SPATS2L: variants seen among roughly 807,000 people sequenced by gnomAD.
The protein encoded by SPATS2L is spermatogenesis associated serine rich 2 like.
Under a neutral mutation model 59.6 loss-of-function variants are expected in SPATS2L, and 30 were observed. That is an observed-to-expected ratio of 0.50 (90% CI 0.38 to 0.68). The LOEUF (loss-of-function observed/expected upper bound fraction) is 0.68. SPATS2L is among the 30% of genes least tolerant of loss of function. The pLI, the probability that SPATS2L is intolerant of heterozygous loss-of-function variation, is 0.00. For missense variants in SPATS2L, 615 were observed against 700.0 expected, an observed-to-expected ratio of 0.88 and a Z score of 1.37; for synonymous variants, 252 against 263.5, an observed-to-expected ratio of 0.96 and a Z score of 0.42.
Position 200,477,907 on chromosome 2 carries a change from C to T in SPATS2L, c.1553C>T (p.Ser518Leu), listed in dbSNP as rs751895129. The T allele has an allele frequency of 6.8e-6, 11 of 1,611,690 alleles. No individual in the cohort carries two copies. Among genetic ancestry groups the T allele is most frequent in the East Asian group, 4.5e-5 (2 of 44,846 alleles). ...CGAAGGCAGCACGCTGCAGACACCT[C>T]GGAGGCCAGGCCCTTCCGGGGTAGT... is the stretch of plus-strand genomic sequence containing the variant. ...PRRRQHAADT[S>L]EARPFRGSVG... The change falls in exon 13 of 13, where the codon TCG (serine) becomes TTG (leucine). Residue 518 changes from serine (S) to leucine (L), a missense_variant. Around this residue, in one of 3 missense-constraint regions of SPATS2L, gnomAD observed 284 missense variants for 280.1 expected, o/e 1.01. Transcript: ENST00000409140.
At chr2:200,469,149 G>A (rs958333595) in intron 10 of SPATS2L, among the ~76,000 whole-genome samples, 4 of 152,166 alleles carry the variant, frequency 2.6e-5, no homozygotes, top group Non-Finnish European at 4.4e-5. Flanking sequence ...CCAGTGCCTC[G>A]TAAGTGTTCA....
At chr2:200,306,488 G>C (rs538322122), upstream of SPATS2L, 4 of 1,002,232 alleles carry the variant, frequency 4.0e-6, no homozygotes, top group Non-Finnish European at 4.8e-6. Context: ...CGTGTGGAGG[G>C]ACGAGATCTG....
rs758891112 is a variant in SPATS2L, at chr2:200,473,094, A to C, written c.1281+42A>C. The C allele has an allele frequency of 7.9e-6, 12 of 1,523,456 alleles. No individual in the cohort carries two copies. In the East Asian group the frequency reaches 1.2e-4, roughly 15 times the overall value. The allele number at this position is 1,523,456 out of a possible 1,614,324, so 94.4% of individuals were successfully genotyped here. On this transcript the variant is annotated intron_variant, in intron 12 of 12. Coordinates refer to ENST00000409140, the MANE Select transcript of SPATS2L (RefSeq NM_001100423.2). ...GCAGGGTGCCAGAGGAAAAAAAAAAAAAAACCTGTTTCCAGAGGAAGAAAA... is the reference window on the plus strand; with the variant it reads ...GCAGGGTGCCAGAGGAAAAAAAAAACAAAACCTGTTTCCAGAGGAAGAAAA...
intron 2 of SPATS2L, among the ~76,000 whole-genome samples, chr2:200,335,785 C>A (rs749187214): frequency 6.6e-6 from 1 of 152,154 alleles, no homozygotes; most frequent in Non-Finnish European, 1.5e-5. Context: ...TTAGGACTTG[C>A]ATTTACATTC....
At chr2:200,338,724 T>G (rs2080223991) in intron 2 of SPATS2L, among the ~76,000 whole-genome samples, 1 of 152,240 alleles carries the variant, frequency 6.6e-6, no homozygotes. Flanking sequence ...AATTTTGTTT[T>G]TAACACATCA....
At chr2:200,413,673 G>A (rs999176860) in intron 4 of SPATS2L, among the ~76,000 whole-genome samples, 36 of 152,146 alleles carry the variant, frequency 2.4e-4, no homozygotes, top group Non-Finnish European at 4.9e-4. Context: ...ATTTTCCTAG[G>A]AGTAGAATAA....
At chr2:200,394,939 A>AG (rs1380678380) in intron 3 of SPATS2L, among the ~76,000 whole-genome samples, 1 of 152,176 alleles carries the variant, frequency 6.6e-6, no homozygotes, top group African/African-American at 2.4e-5. Flanking sequence ...AAATAAAGGG[A>AG]GAAAAAAATT....
intron 3 of SPATS2L, chr2:200,390,746 G>A (rs2082147332): frequency 6.6e-6 from 1 of 151,860 alleles, no homozygotes; most frequent in African/African-American, 2.4e-5. Flanking sequence ...AGGGATCGCG[G>A]TTAGAATCCA....
rs1490403297 is a variant in SPATS2L, at chr2:200,419,401, C to T, written c.350C>T (p.Ser117Phe). Residue 117 changes from serine (S) to phenylalanine (F), a missense_variant, in exon 6 of 13, where the codon TCC (serine) becomes TTC (phenylalanine). Transcript: ENST00000409140. ...AATGGCTGCGAGAAGGACAGCTCGT[C>T]CACAGATTCTGCTAACGAAAAACCA... ...PMNGCEKDSSSTDSANEKPAL... is the reference protein window; with the variant it reads ...PMNGCEKDSSFTDSANEKPAL... 6.2e-7 allele frequency: 1 copy of T among 1,613,634 alleles called. No homozygotes were observed. The highest frequency in any genetic ancestry group is 8.5e-7 in the Non-Finnish European group (1 of 1,179,786).
chr2:200,407,146 A>G (rs1336889180), intron 3 of SPATS2L, among the ~76,000 whole-genome samples: 1 of 151,812 alleles, frequency 6.6e-6, no homozygotes, highest in East Asian at 1.9e-4. Flanking sequence ...ATATATGCCA[A>G]ATTCTATATG....
chr2:200,351,372 A>G (rs959948343), intron 2 of SPATS2L: 4 of 454,174 alleles, frequency 8.8e-6, no homozygotes, highest in African/African-American at 6.1e-5. Flanking sequence ...GACTATAGTA[A>G]TATATTTGCA....
At chr2:200,398,252 A>G (rs1207090650) in intron 3 of SPATS2L, among the ~76,000 whole-genome samples, 4 of 152,220 alleles carry the variant, frequency 2.6e-5, no homozygotes, top group Non-Finnish European at 5.9e-5. Context: ...AGCTGCCACA[A>G]TACCTCAGAG....
At chr2:200,356,054 A>G (rs951107820) in intron 2 of SPATS2L, among the ~76,000 whole-genome samples, 1 of 152,240 alleles carries the variant, frequency 6.6e-6, no homozygotes, top group African/African-American at 2.4e-5. Flanking sequence ...ATTCCTGTTT[A>G]CAAGTCAAAG....
At chr2:200,452,740 G>A (rs1219276089) in intron 8 of SPATS2L, among the ~76,000 whole-genome samples, 1 of 152,160 alleles carries the variant, frequency 6.6e-6, no homozygotes, top group African/African-American at 2.4e-5. Context: ...TTTCCCGGAT[G>A]AGCGTGATTA....
chr2:200,389,225 C>T lies in SPATS2L; in HGVS notation c.-20C>T. On this transcript the variant is annotated splice_region_variant and 5_prime_UTR_variant, in exon 3 of 13. Coordinates refer to ENST00000409140, the MANE Select transcript of SPATS2L (RefSeq NM_001100423.2). ...AATCTTGTTTTCCTTCTTTATAGGGCCTATTCCACTAGAAGCAAGATGGCT... is the reference window on the plus strand; with the variant it reads ...AATCTTGTTTTCCTTCTTTATAGGGTCTATTCCACTAGAAGCAAGATGGCT... 1 of 1,563,854 alleles carries T rather than the reference C, an allele frequency of 6.4e-7. No individual in the cohort carries two copies. The highest frequency in any genetic ancestry group is 8.7e-7 in the Non-Finnish European group (1 of 1,148,532).
intron 2 of SPATS2L, 122 bp from the exon 3 acceptor site, chr2:200,389,101 C>A: frequency 1.6e-6 from 1 of 630,526 alleles, no homozygotes; most frequent in Non-Finnish European, 2.7e-6. Context: ...AGTATTTTTA[C>A]ATTCTAAAAT....
chr2:200,468,582 G>T (rs1337051509), intron 10 of SPATS2L, among the ~76,000 whole-genome samples: 1 of 152,188 alleles, frequency 6.6e-6, no homozygotes, highest in Non-Finnish European at 1.5e-5. Flanking sequence ...TGAGGGTGCT[G>T]AGGGCGTCAG....
At chr2:200,463,969 A>G (rs796543970) in intron 9 of SPATS2L, among the ~76,000 whole-genome samples, 25 of 152,354 alleles carry the variant, frequency 1.6e-4, no homozygotes, top group African/African-American at 6.0e-4. Flanking sequence ...ATGTGTTTCA[A>G]AAGCTTGAAG....
intron 6 of SPATS2L, among the ~76,000 whole-genome samples, chr2:200,436,266 C>T (rs1002711958): frequency 5.3e-5 from 8 of 152,158 alleles, no homozygotes; most frequent in Non-Finnish European, 7.4e-5. Flanking sequence ...TTTTCATCTG[C>T]AAGAGTCCCA....
Sources: allele counts gnomAD v4.1 joint callset (sites outside exome capture counted in the v4.1 genomes callset), GRCh38; gene constraint gnomAD v4.1.1; regional missense constraint gnomAD v4.1.1; transcripts MANE v1.5; gene names NCBI Gene and HGNC (gene_info 2026-07-23, HGNC 2026-07-21).